RAB27B: variants seen among roughly 807,000 people sequenced by gnomAD.
RAB27B encodes RAB27B, member RAS oncogene family.
Under a neutral mutation model 24.6 loss-of-function variants are expected in RAB27B, and 15 were observed. The ratio of observed to expected loss-of-function variants is 0.61; its 90% CI spans 0.41 to 0.94. The LOEUF (loss-of-function observed/expected upper bound fraction) is 0.94. Among genes scored for constraint, RAB27B ranks in the 40% least tolerant of loss-of-function variants. The pLI is 0.00. For synonymous variants in RAB27B, 105 were observed against 92.5 expected (o/e 1.14, Z -0.78); for missense variants, 261 against 266.8 (o/e 0.98, Z 0.15).
At position 54,878,685 on chromosome 18, in the gene RAB27B, A is replaced by G. The variant is rs574517013; in HGVS notation, c.154-684A>G. Among the ~76,000 whole-genome samples the G allele has an allele frequency of 2.0e-5, 3 of 152,242 alleles. No homozygotes were observed. In the South Asian group the frequency reaches 6.2e-4, roughly 32 times the overall value. ...TTTCCCTTTAAAACGTATTCACTAA[A>G]CTATACTTAAGGAAACTGAGTAAAT... On this transcript the variant is annotated intron_variant, in intron 2 of 5. Coordinates refer to ENST00000262094, the MANE Select transcript of RAB27B (RefSeq NM_004163.4).
intron 1 of RAB27B, among the ~76,000 whole-genome samples, chr18:54,861,509 A>G (rs1038043791): frequency 1.3e-5 from 2 of 152,184 alleles, no homozygotes; most frequent in African/African-American, 4.8e-5. Context: ...ATGGTGGGAA[A>G]GGAATCATCT....
Position 54,890,205 on chromosome 18 carries a change from T to G in RAB27B, c.*792T>G, listed in dbSNP as rs919957019. The stretch of plus-strand genomic sequence containing the variant: ...GAAGGGTTACTTAGCCAAATTTTAC[T>G]CAAGCCAATTAGGAGCTGATATTAT... On this transcript the variant is annotated 3_prime_UTR_variant, in exon 6 of 6. Transcript: ENST00000262094. 3 of 152,110 alleles carry G rather than the reference T, an allele frequency of 2.0e-5. No individual in the cohort carries two copies. The highest frequency in any genetic ancestry group is 7.2e-5 in the African/African-American group (3 of 41,436). 9.4% of individuals were successfully genotyped at this position (152,110 alleles called of 1,614,324 possible). A position where few individuals can be genotyped will look rare whatever the true frequency, so the allele number is the denominator to read the frequency against.
intron 1 of RAB27B, among the ~76,000 whole-genome samples, chr18:54,832,678 A>G (rs766951579): frequency 2.3e-4 from 35 of 152,172 alleles, no homozygotes; most frequent in Non-Finnish European, 4.6e-4. Flanking sequence ...GAGTCAGTAA[A>G]AAGCCATTCA....
rs553263520 is a variant in RAB27B, at chr18:54,787,082, G to A, written c.-20+68941G>A. On this transcript the variant is annotated intron_variant, in intron 2 of 4. Coordinates refer to the RAB27B transcript ENST00000586570. The stretch of plus-strand genomic sequence containing the variant: ...AATAGTGAAGCTCGGAAACCTCCCA[G>A]TACTAAAGACGGAGTGATAGATATC... Among the ~76,000 whole-genome samples, 3 of 152,290 alleles carry A rather than the reference G, an allele frequency of 2.0e-5. No individual in the cohort carries two copies. In the East Asian group the frequency reaches 5.8e-4, roughly 29 times the overall value.
chr18:54,833,218 C>CT (rs1280336491), intron 1 of RAB27B, among the ~76,000 whole-genome samples: 2 of 112,368 alleles, frequency 1.8e-5, no homozygotes, highest in Non-Finnish European at 1.9e-5. Context: ...TCTTTCTTTT[C>CT]TTTTTTTCTT....
At chr18:54,821,162 TA>T (rs1337742397) in intron 2 of RAB27B, among the ~76,000 whole-genome samples, 1 of 152,186 alleles carries the variant, frequency 6.6e-6, no homozygotes, top group Non-Finnish European at 1.5e-5. Flanking sequence ...AAAATCTCTT[TA>T]AGCTGATAGG....
intron 1 of RAB27B, among the ~76,000 whole-genome samples, chr18:54,866,817 G>A (rs1283287282): frequency 6.6e-6 from 1 of 152,136 alleles, no homozygotes; most frequent in African/African-American, 2.4e-5. Context: ...GAGAAAACCC[G>A]ATGTGGGGCA....
chr18:54,802,333 G>T (rs1326513223), intron 2 of RAB27B, among the ~76,000 whole-genome samples: 1 of 152,096 alleles, frequency 6.6e-6, no homozygotes, highest in East Asian at 1.9e-4. Flanking sequence ...AAGTTAGCCA[G>T]TGCTTGGGGT....
intron 4 of RAB27B, among the ~76,000 whole-genome samples, chr18:54,887,516 G>C (rs1419540131): frequency 1.3e-5 from 2 of 152,028 alleles, no homozygotes; most frequent in Non-Finnish European, 2.9e-5. Flanking sequence ...AATAGCACAT[G>C]GATTGAAAAG....
chr18:54,875,722 A>G (rs1225655922), intron 1 of RAB27B, among the ~76,000 whole-genome samples: 1 of 152,200 alleles, frequency 6.6e-6, no homozygotes, highest in Non-Finnish European at 1.5e-5. Context: ...ATAATAAAGT[A>G]TAACGTAAAG....
At chr18:54,771,929 TAAGAG>T (rs1268667750) in intron 2 of RAB27B, among the ~76,000 whole-genome samples, 1 of 152,210 alleles carries the variant, frequency 6.6e-6, no homozygotes, top group East Asian at 1.9e-4. Context: ...TTTAGGCAGT[TAAGAG>T]AAAAATATAT....
chr18:54,838,601 A>G (rs184651769), intron 1 of RAB27B, among the ~76,000 whole-genome samples: 18 of 152,232 alleles, frequency 1.2e-4, no homozygotes, highest in Middle Eastern at 3.4e-3. Flanking sequence ...TTTCTTTGTT[A>G]TGGATCCATC....
intron 2 of RAB27B, chr18:54,745,524 C>T (rs1357779801): frequency 6.3e-6 from 1 of 157,656 alleles, no homozygotes; most frequent in African/African-American, 2.4e-5. Context: ...CCACAGAAGC[C>T]TGGTCTGCAA....
intron 2 of RAB27B, among the ~76,000 whole-genome samples, chr18:54,740,783 C>G (rs891196344): frequency 6.6e-6 from 1 of 152,086 alleles, no homozygotes; most frequent in East Asian, 1.9e-4. Flanking sequence ...ATAGCAGGCT[C>G]TCACTAAGTG....
intron 1 of RAB27B, among the ~76,000 whole-genome samples, chr18:54,863,663 A>T (rs2145242211): frequency 6.6e-6 from 1 of 152,310 alleles, no homozygotes; most frequent in Middle Eastern, 3.4e-3. Flanking sequence ...ATTGGCAGTC[A>T]TTCCCCAATC....
intron 2 of RAB27B, among the ~76,000 whole-genome samples, chr18:54,728,122 C>T (rs2144985168): frequency 6.6e-6 from 1 of 152,298 alleles, no homozygotes; most frequent in Admixed American, 6.5e-5. Context: ...TACCAACAGG[C>T]TCCAGATCAG....
chr18:54,874,833 A>G (rs1912627513), intron 1 of RAB27B, among the ~76,000 whole-genome samples: 1 of 152,232 alleles, frequency 6.6e-6, no homozygotes, highest in African/African-American at 2.4e-5. Flanking sequence ...GACAAACATT[A>G]TCACCCTCCA....
chr18:54,746,463 A>C (rs750825244), intron 2 of RAB27B, among the ~76,000 whole-genome samples: 1 of 152,204 alleles, frequency 6.6e-6, no homozygotes, highest in Non-Finnish European at 1.5e-5. Flanking sequence ...AGCTTCCTGA[A>C]ATATTGCAAG....
chr18:54,806,939 A>G (rs8093506), intron 2 of RAB27B, among the ~76,000 whole-genome samples: 34,695 of 152,022 alleles, frequency 0.23, 4,221 homozygotes, highest in East Asian at 0.4. Flanking sequence ...ATGGAGTCTC[A>G]CTGTGTGTCC....
Sources: gnomAD v4.1 joint callset for allele counts (sites outside exome capture counted in the v4.1 genomes callset) on GRCh38, gnomAD v4.1.1 for gene constraint, MANE v1.5 for transcripts, NCBI Gene and HGNC (gene_info 2026-07-23, HGNC 2026-07-21) for gene names.